TMCC1: variants seen among roughly 807,000 people sequenced by gnomAD.
The protein encoded by TMCC1 is transmembrane and coiled-coil domains protein 1.
In TMCC1, 15 loss-of-function variants were observed where a neutral mutation model predicts 52.4. That is an observed-to-expected ratio of 0.29 (90% CI 0.19 to 0.44). TMCC1 has a LOEUF of 0.44. Ranked by LOEUF, TMCC1 falls within the 20% of genes least tolerant of loss-of-function variation. The pLI is 1.00. For missense variants in TMCC1, 503 were observed against 806.0 expected (o/e 0.62, Z 4.55); for synonymous variants, 279 against 301.9 (o/e 0.92, Z 0.79).
intron 5 of TMCC1, among the ~76,000 whole-genome samples, chr3:129,659,082 TTTTCTTTC>T (rs1338885892): frequency 6.6e-6 from 1 of 150,504 alleles, no homozygotes; most frequent in African/African-American, 2.4e-5. Flanking sequence ...CTGTTTTCCT[TTTTCTTTC>T]TTTCTTTTTT....
Position 129,751,199 on chromosome 3 carries a change from C to T in TMCC1, c.576+76604G>A, listed in dbSNP as rs576298103. Among the ~76,000 whole-genome samples the T allele has an allele frequency of 2.7e-5, 4 of 148,924 alleles. No individual in the cohort carries two copies. The South Asian group carries it at 8.6e-4, about 32-fold the overall frequency. ...CTGAGTGACAGAGGGAGACCTGTCT[C>T]AAAAAACAAAACAAAACAAAAATTC... On this transcript the variant is annotated intron_variant, in intron 4 of 6. Transcript: ENST00000393238.
intron 2 of TMCC1, among the ~76,000 whole-genome samples, chr3:129,875,862 C>T (rs1372717336): frequency 6.6e-6 from 1 of 152,062 alleles, no homozygotes; most frequent in Admixed American, 6.5e-5. Context: ...GGGCCGGTGC[C>T]GTGGCTCACG....
intron 4 of TMCC1, among the ~76,000 whole-genome samples, chr3:129,759,640 CA>C (rs2053330372): frequency 2.0e-5 from 3 of 149,274 alleles, no homozygotes; most frequent in Non-Finnish European, 4.4e-5. Context: ...CTCCTGGCCT[CA>C]AGTGATCCTC....
intron 4 of TMCC1, among the ~76,000 whole-genome samples, chr3:129,810,809 A>G (rs544298306): frequency 1.3e-5 from 2 of 152,360 alleles, no homozygotes; most frequent in South Asian, 4.1e-4. Context: ...TTGCATTTTT[A>G]TAGAAAATAA....
At chr3:129,686,977 T>C (rs1047676775) in intron 4 of TMCC1, among the ~76,000 whole-genome samples, 4 of 152,250 alleles carry the variant, frequency 2.6e-5, no homozygotes, top group African/African-American at 9.6e-5. Flanking sequence ...AAAGGATTTA[T>C]CTATTCACTG....
chr3:129,856,997 C>A (rs553667122), intron 2 of TMCC1, among the ~76,000 whole-genome samples: 21 of 152,204 alleles, frequency 1.4e-4, no homozygotes, highest in African/African-American at 5.1e-4. Context: ...CAGCTCACTG[C>A]AACCTCTGCC....
intron 4 of TMCC1, among the ~76,000 whole-genome samples, chr3:129,788,577 C>T (rs1209456291): frequency 1.3e-5 from 2 of 152,112 alleles, no homozygotes; most frequent in African/African-American, 4.8e-5. Flanking sequence ...ATTCTCCTGC[C>T]TCAGCCTCCC....
intron 4 of TMCC1, among the ~76,000 whole-genome samples, chr3:129,710,930 T>A (rs946544915): frequency 6.6e-6 from 1 of 152,224 alleles, no homozygotes; most frequent in Non-Finnish European, 1.5e-5. Context: ...AGTGGCACAA[T>A]CTCAGCTCAC....
chr3:129,708,751 CTCAT>C (rs1213991437), intron 4 of TMCC1, among the ~76,000 whole-genome samples: 2 of 152,342 alleles, frequency 1.3e-5, no homozygotes, highest in East Asian at 3.9e-4. Context: ...GTAATCTTCA[CTCAT>C]TCATTCACTT....
At chr3:129,778,056 T>C (rs945269366) in intron 4 of TMCC1, among the ~76,000 whole-genome samples, 2 of 152,182 alleles carry the variant, frequency 1.3e-5, no homozygotes, top group East Asian at 3.8e-4. Context: ...CAAAGGAAAA[T>C]TATTTTCCTT....
chr3:129,866,065 T>C (rs547865606), intron 2 of TMCC1, among the ~76,000 whole-genome samples: 4 of 151,902 alleles, frequency 2.6e-5, no homozygotes, highest in Non-Finnish European at 5.9e-5. Context: ...CAGAATAAGA[T>C]ATGCAGATCA....
intron 4 of TMCC1, among the ~76,000 whole-genome samples, chr3:129,766,326 TTTCATTCA>T (rs201966874): frequency 7.9e-5 from 12 of 152,232 alleles, no homozygotes; most frequent in Non-Finnish European, 1.5e-4. Flanking sequence ...TTTCTGAGCA[TTTCATTCA>T]TTCATTCATT....
chr3:129,714,731 T>C (rs2048941948), intron 4 of TMCC1, among the ~76,000 whole-genome samples: 1 of 152,214 alleles, frequency 6.6e-6, no homozygotes, highest in Non-Finnish European at 1.5e-5. Context: ...CAACTTTAAT[T>C]AGGCTTCTAC....
At chr3:129,654,889 C>CT in intron 6 of TMCC1, 79 bp downstream of exon 6, 3 of 1,555,490 alleles carry the variant, frequency 1.9e-6, no homozygotes, top group South Asian at 1.2e-5. Context: ...ACCTTCTCAT[C>CT]TTTTTTCCTT....
At chr3:129,760,529 G>A (rs1305366212) in intron 4 of TMCC1, among the ~76,000 whole-genome samples, 2 of 150,456 alleles carry the variant, frequency 1.3e-5, no homozygotes, top group African/African-American at 4.9e-5. Context: ...GCCCAGGCTG[G>A]AGTAGTGGCG....
At chr3:129,839,591 C>G (rs1175636956) in intron 2 of TMCC1, among the ~76,000 whole-genome samples, 2 of 151,958 alleles carry the variant, frequency 1.3e-5, no homozygotes, top group Non-Finnish European at 2.9e-5. Flanking sequence ...CTCTTCTCTA[C>G]AAAAAAATAG....
chr3:129,827,754 G>C (rs1482519932), intron 4 of TMCC1, 49 bp downstream of exon 4: 1 of 1,578,592 alleles, frequency 6.3e-7, no homozygotes, highest in East Asian at 2.3e-5. Flanking sequence ...GAGAGTCCTA[G>C]GTATGAAAAA....
At chr3:129,766,077 T>C (rs2107690479) in intron 4 of TMCC1, among the ~76,000 whole-genome samples, 1 of 152,250 alleles carries the variant, frequency 6.6e-6, no homozygotes, top group East Asian at 1.9e-4. Flanking sequence ...AATGCAAAGG[T>C]TGAAACCTAA....
intron 4 of TMCC1, among the ~76,000 whole-genome samples, chr3:129,734,903 A>C (rs1421516037): frequency 1.3e-5 from 2 of 150,378 alleles, no homozygotes; most frequent in East Asian, 3.9e-4. Flanking sequence ...TTCTGTTCGA[A>C]ATTTTTTTTT....
Sources: gnomAD v4.1 joint callset for allele counts (sites outside exome capture counted in the v4.1 genomes callset) on GRCh38, gnomAD v4.1.1 for gene constraint, MANE v1.5 for transcripts, NCBI Gene and HGNC (gene_info 2026-07-23, HGNC 2026-07-21) for gene names.